The following PTPRD variants were observed in gnomAD, a reference collection of about 807,000 sequenced individuals.
PTPRD encodes receptor-type tyrosine-protein phosphatase delta.
Under a neutral mutation model 214.5 loss-of-function variants are expected in PTPRD, and 34 were observed. That is an observed-to-expected ratio of 0.16 (90% CI 0.12 to 0.21). PTPRD has a LOEUF of 0.21. Ranked by LOEUF, PTPRD falls within the 10% of genes least tolerant of loss-of-function variation. PTPRD has a pLI of 1.00. For missense variants in PTPRD, 2,545 were observed against 2,398.7 expected (o/e 1.06, Z -1.27); for synonymous variants, 1,128 against 845.7 (o/e 1.33, Z -5.79).
chr9:9,380,955 C>T (rs571345810), intron 9 of PTPRD, among the ~76,000 whole-genome samples: 117 of 152,196 alleles, frequency 7.7e-4, no homozygotes, highest in African/African-American at 2.7e-3. Context: ...ATTCCTGATA[C>T]ATTTATTTGC....
chr9:9,742,776 C>A (rs901932288), intron 6 of PTPRD, among the ~76,000 whole-genome samples: 6 of 152,164 alleles, frequency 3.9e-5, no homozygotes, highest in Non-Finnish European at 8.8e-5. Flanking sequence ...CTCTTTCCTT[C>A]CTCTACTAGC....
At chr9:9,477,873 G>T (rs1036597390) in intron 8 of PTPRD, among the ~76,000 whole-genome samples, 4 of 152,048 alleles carry the variant, frequency 2.6e-5, no homozygotes, top group Admixed American at 6.6e-5. Context: ...AATCTTTGTT[G>T]ATTCTCAAAT....
At chr9:10,523,614 T>TAGAGAGAGAGAG (rs1395431811) in intron 2 of PTPRD, among the ~76,000 whole-genome samples, 5 of 97,014 alleles carry the variant, frequency 5.2e-5, no homozygotes, top group African/African-American at 1.6e-4. Context: ...TATATATATA[T>TAGAGAGAGAGAG]ATATATATAG....
At chr9:9,832,586 G>C (rs192156908) in intron 5 of PTPRD, among the ~76,000 whole-genome samples, 1 of 152,072 alleles carries the variant, frequency 6.6e-6, no homozygotes, top group East Asian at 1.9e-4. Context: ...TACTTCTAGG[G>C]TAATTTAGGT....
At chr9:8,957,463 T>C (rs548651922) in intron 11 of PTPRD, among the ~76,000 whole-genome samples, 1 of 151,926 alleles carries the variant, frequency 6.6e-6, no homozygotes, top group African/African-American at 2.4e-5. Context: ...TGTTCTGTTT[T>C]TGAAATGCTG....
chr9:8,333,328 A>G (rs1470474339), intron 43 of PTPRD, among the ~76,000 whole-genome samples: 1 of 152,178 alleles, frequency 6.6e-6, no homozygotes, highest in Non-Finnish European at 1.5e-5. Flanking sequence ...GTTGCTTTCA[A>G]TAGCAAGAAG....
At chr9:9,387,474 G>A (rs1323280958) in intron 9 of PTPRD, among the ~76,000 whole-genome samples, 3 of 151,918 alleles carry the variant, frequency 2.0e-5, no homozygotes, top group Non-Finnish European at 4.4e-5. Flanking sequence ...TCTTTTTAAA[G>A]AGAAAATGTT....
At chr9:9,172,932 A>C (rs2099922358) in intron 10 of PTPRD, among the ~76,000 whole-genome samples, 1 of 152,196 alleles carries the variant, frequency 6.6e-6, no homozygotes, top group Non-Finnish European at 1.5e-5. Flanking sequence ...CAAAATATTC[A>C]GTGAAAGATC....
intron 9 of PTPRD, among the ~76,000 whole-genome samples, chr9:9,317,925 A>G (rs9407413): frequency 0.15 from 22,524 of 152,080 alleles, 2,153 homozygotes; most frequent in East Asian, 0.47. Context: ...TAATCCCAGC[A>G]CTTTGGAAGG....
chr9:10,263,142 G>T (rs1381635556), intron 3 of PTPRD, among the ~76,000 whole-genome samples: 1 of 152,186 alleles, frequency 6.6e-6, no homozygotes, highest in African/African-American at 2.4e-5. Flanking sequence ...AAATTACTCA[G>T]TCTCAGGTAT....
intron 11 of PTPRD, among the ~76,000 whole-genome samples, chr9:8,760,415 T>A (rs1052326547): frequency 2.0e-5 from 3 of 152,214 alleles, no homozygotes; most frequent in Non-Finnish European, 2.9e-5. Context: ...TTTAAACAAT[T>A]CTTTGTTATG....
chr9:9,643,197 G>A (rs572081355), intron 7 of PTPRD, among the ~76,000 whole-genome samples: 47 of 152,224 alleles, frequency 3.1e-4, no homozygotes, highest in African/African-American at 1.1e-3. Context: ...AATGTCCTTT[G>A]CAAAATCCTG....
At chr9:10,225,199 TTAG>T (rs1233184557) in intron 3 of PTPRD, among the ~76,000 whole-genome samples, 2 of 151,852 alleles carry the variant, frequency 1.3e-5, no homozygotes. Context: ...TAAATGAATT[TTAG>T]TAGTTTATAG....
intron 9 of PTPRD, among the ~76,000 whole-genome samples, chr9:9,227,063 CT>C (rs1282335259): frequency 6.6e-6 from 1 of 151,832 alleles, no homozygotes; most frequent in Admixed American, 6.6e-5. Context: ...TCTTATAATA[CT>C]TTGGTGAAAT....
chr9:9,389,316 G>A (rs1051780636), intron 9 of PTPRD, among the ~76,000 whole-genome samples: 2 of 152,100 alleles, frequency 1.3e-5, no homozygotes, highest in East Asian at 1.9e-4. Context: ...CTTGAGACCA[G>A]CCTGACCAAC....
At chr9:9,539,918 C>A (rs1300202497) in intron 8 of PTPRD, among the ~76,000 whole-genome samples, 1 of 151,758 alleles carries the variant, frequency 6.6e-6, no homozygotes, top group East Asian at 1.9e-4. Flanking sequence ...TTCTCACATC[C>A]ATTTCCATTA....
chr9:9,128,100 A>G (rs2099836863), intron 10 of PTPRD, among the ~76,000 whole-genome samples: 1 of 152,198 alleles, frequency 6.6e-6, no homozygotes, highest in Non-Finnish European at 1.5e-5. Context: ...ATATGCATTT[A>G]GTTGAGGCCA....
At chr9:9,343,354 G>A (rs2047572082) in intron 9 of PTPRD, among the ~76,000 whole-genome samples, 1 of 152,150 alleles carries the variant, frequency 6.6e-6, no homozygotes, top group Admixed American at 6.6e-5. Context: ...GTGTAAAAGT[G>A]TTCCTATTTC....
chr9:9,220,539 G>A (rs1412446470), intron 9 of PTPRD, among the ~76,000 whole-genome samples: 3 of 151,796 alleles, frequency 2.0e-5, no homozygotes, highest in African/African-American at 7.3e-5. Context: ...AAAAATAGGT[G>A]GATTTTAAAA....
Sources: gnomAD v4.1 joint callset for allele counts (sites outside exome capture counted in the v4.1 genomes callset) on GRCh38, gnomAD v4.1.1 for gene constraint, MANE v1.5 for transcripts, NCBI Gene and HGNC (gene_info 2026-07-23, HGNC 2026-07-21) for gene names.